ASIC2: variants seen among roughly 807,000 people sequenced by gnomAD.
ASIC2 encodes the protein acid sensing ion channel subunit 2.
Under a neutral mutation model 57.3 loss-of-function variants are expected in ASIC2, and 25 were observed. The ratio of observed to expected loss-of-function variants is 0.44; its 90% confidence interval spans 0.32 to 0.61. The LOEUF is 0.61. Among genes scored for constraint, ASIC2 ranks in the 20% least tolerant of loss-of-function variants. The pLI is 0.06. For missense variants in ASIC2, 641 were observed against 738.1 expected (o/e 0.87, Z 1.52); for synonymous variants, 319 against 307.5 (o/e 1.04, Z -0.39).
chr17:33,488,429 G>T (rs973351036), intron 1 of ASIC2, among the ~76,000 whole-genome samples: 3 of 152,094 alleles, frequency 2.0e-5, no homozygotes, highest in African/African-American at 7.2e-5. Flanking sequence ...TCACATCAGG[G>T]TCACCTCTAT....
chr17:34,052,492 A>C (rs771938233), intron 1 of ASIC2, among the ~76,000 whole-genome samples: 82 of 152,152 alleles, frequency 5.4e-4, no homozygotes, highest in African/African-American at 1.8e-3. Flanking sequence ...AGAACATGTG[A>C]CTGGACTGTA....
At chr17:33,106,283 G>A (rs148520392) in intron 2 of ASIC2, among the ~76,000 whole-genome samples, 1 of 152,122 alleles carries the variant, frequency 6.6e-6, no homozygotes, top group African/African-American at 2.4e-5. Flanking sequence ...GAACAGCATA[G>A]CTTTAAAAAA....
At chr17:33,877,768 C>T (rs907319205) in intron 1 of ASIC2, among the ~76,000 whole-genome samples, 1 of 152,228 alleles carries the variant, frequency 6.6e-6, no homozygotes, top group Non-Finnish European at 1.5e-5. Context: ...TAGTGGTTCT[C>T]CCAGCACACA....
chr17:34,035,653 T>C (rs1375818951), intron 1 of ASIC2, among the ~76,000 whole-genome samples: 8 of 151,910 alleles, frequency 5.3e-5, no homozygotes, highest in Non-Finnish European at 8.8e-5. Flanking sequence ...GGCTAATATC[T>C]AGAATCTACA....
At position 33,291,537 on chromosome 17, in the gene ASIC2, G is replaced by A. The variant is rs1905448578; in HGVS notation, c.579C>T (p.Leu193=). 1 of 1,612,324 alleles carries A rather than the reference G, an allele frequency of 6.2e-7. No individual in the cohort carries two copies. The highest frequency in any genetic ancestry group is 1.3e-5 in the African/African-American group (1 of 74,928). The change falls in exon 1 of 10, where the codon CTC becomes CTT. Residue 193 remains leucine, a synonymous_variant. Transcript: ENST00000225823. ...QWFRKLADFR[L]FLPPRHFEGI... is the part of the protein sequence containing the mutation. Reference sequence around the variant, plus strand: ...CCTCGAAGTGGCGCGGAGGCAGGAAGAGGCGGAAGTCCGCCAGCTTGCGGA... The same window carrying A: ...CCTCGAAGTGGCGCGGAGGCAGGAAAAGGCGGAAGTCCGCCAGCTTGCGGA...
chr17:33,321,204 T>A (rs544318156), intron 1 of ASIC2, among the ~76,000 whole-genome samples: 4 of 152,342 alleles, frequency 2.6e-5, no homozygotes, highest in Admixed American at 6.5e-5. Flanking sequence ...TAACTATTAG[T>A]TGAATAAATA....
In ASIC2 at chr17:33,832,449, T is replaced by C. The variant is rs532031535; in HGVS notation, c.555+323529A>G. ...GCCTCTGGCTGACCAGAAGGCCTAA[T>C]GACAGGCAGGCAGCCTTCTAGACAA... On this transcript the variant is annotated intron_variant, in intron 1 of 9. Transcript: ENST00000359872. Among the ~76,000 whole-genome samples, 5 of 152,326 alleles carry C rather than the reference T, an allele frequency of 3.3e-5. No homozygotes were observed. In the East Asian group the frequency reaches 5.8e-4, roughly 18 times the overall value.
At chr17:33,427,869 G>A (rs531963228) in intron 1 of ASIC2, among the ~76,000 whole-genome samples, 18 of 152,190 alleles carry the variant, frequency 1.2e-4, no homozygotes, top group Non-Finnish European at 1.6e-4. Flanking sequence ...GATGGAGTGT[G>A]ACTTTCAAGG....
At chr17:33,877,507 A>G (rs1235437538) in intron 1 of ASIC2, among the ~76,000 whole-genome samples, 1 of 152,210 alleles carries the variant, frequency 6.6e-6, no homozygotes, top group African/African-American at 2.4e-5. Flanking sequence ...ACGCCCATGC[A>G]GCCTCGCTCA....
intron 5 of ASIC2, 107 bp downstream of exon 5, chr17:33,025,819 T>C: frequency 1.8e-6 from 2 of 1,114,120 alleles, no homozygotes; most frequent in Non-Finnish European, 2.5e-6. Context: ...TCTCATCCTC[T>C]CTCCATTCCT....
At chr17:33,305,180 G>A (rs1174233000) in intron 1 of ASIC2, among the ~76,000 whole-genome samples, 1 of 152,162 alleles carries the variant, frequency 6.6e-6, no homozygotes, top group Non-Finnish European at 1.5e-5. Context: ...CAAAGTAGAT[G>A]TTGTTTTTAT....
intron 1 of ASIC2, among the ~76,000 whole-genome samples, chr17:33,228,768 CTGGAGCCAAGGCCTGT>C (rs1454209965): frequency 6.6e-6 from 1 of 152,254 alleles, no homozygotes; most frequent in African/African-American, 2.4e-5. Flanking sequence ...CTTCCCTGTA[CTGGAGCCAAGGCCTGT>C]TGGATCCACC....
intron 1 of ASIC2, among the ~76,000 whole-genome samples, chr17:33,312,519 C>G (rs1409944872): frequency 6.6e-6 from 1 of 152,174 alleles, no homozygotes; most frequent in Non-Finnish European, 1.5e-5. Flanking sequence ...TTAAGGTCCG[C>G]AAGATCAAGC....
chr17:33,135,619 C>G (rs758943822), intron 1 of ASIC2, among the ~76,000 whole-genome samples: 5 of 152,130 alleles, frequency 3.3e-5, no homozygotes, highest in Non-Finnish European at 7.4e-5. Context: ...TGGAGCCAGG[C>G]AGGAGGAGAC....
At chr17:33,338,804 C>G (rs1314356088) in intron 1 of ASIC2, among the ~76,000 whole-genome samples, 1 of 152,100 alleles carries the variant, frequency 6.6e-6, no homozygotes, top group Non-Finnish European at 1.5e-5. Context: ...CTTAAGAACA[C>G]TATGATAAGT....
chr17:34,112,868 G>A (rs1032586281), intron 1 of ASIC2, among the ~76,000 whole-genome samples: 15 of 152,148 alleles, frequency 9.9e-5, no homozygotes, highest in African/African-American at 3.6e-4. Context: ...ACCTATTAAT[G>A]TTACTTCATG....
chr17:33,313,545 C>T (rs1906520045), intron 1 of ASIC2, among the ~76,000 whole-genome samples: 1 of 150,300 alleles, frequency 6.7e-6, no homozygotes, highest in Admixed American at 6.6e-5. Context: ...TCTTTTTCAT[C>T]ACAGGAATGT....
At chr17:34,147,758 C>T (rs1057076033) in intron 1 of ASIC2, among the ~76,000 whole-genome samples, 2 of 152,176 alleles carry the variant, frequency 1.3e-5, no homozygotes, top group Non-Finnish European at 2.9e-5. Context: ...CTCCATCAAA[C>T]ATAAACATCC....
chr17:33,049,190 T>C (rs1320561592), intron 3 of ASIC2, among the ~76,000 whole-genome samples: 1 of 152,226 alleles, frequency 6.6e-6, no homozygotes, highest in Non-Finnish European at 1.5e-5. Flanking sequence ...CTGAATGGAA[T>C]GTCCTAGGAG....
Sources: allele counts gnomAD v4.1 joint callset (sites outside exome capture counted in the v4.1 genomes callset), GRCh38; gene constraint gnomAD v4.1.1; transcripts MANE v1.5; gene names NCBI Gene and HGNC (gene_info 2026-07-23, HGNC 2026-07-21).